SLC45A2: variants seen among roughly 807,000 people sequenced by gnomAD.
The protein encoded by SLC45A2 is solute carrier family 45 member 2.
In SLC45A2, 36 loss-of-function variants were observed where a neutral mutation model predicts 45.5. The observed-to-expected ratio is 0.79, with a 90% confidence interval of 0.61 to 1.04. SLC45A2 has a LOEUF of 1.04. Ranked by LOEUF, SLC45A2 falls within the 50% of genes least tolerant of loss-of-function variation. SLC45A2 has a pLI of 0.00. For missense variants in SLC45A2, 719 were observed against 671.0 expected, an observed-to-expected ratio of 1.07 and a Z score of -0.79; for synonymous variants, 306 against 269.3, an observed-to-expected ratio of 1.14 and a Z score of -1.33.
intron 2 of SLC45A2, among the ~76,000 whole-genome samples, chr5:33,969,408 A>T (rs1328137874): frequency 6.6e-6 from 1 of 152,168 alleles, no homozygotes; most frequent in Non-Finnish European, 1.5e-5. Context: ...AGATGCTGAG[A>T]TAATATATTT....
At chr5:33,969,937 G>C (rs1442408938) in intron 2 of SLC45A2, among the ~76,000 whole-genome samples, 1 of 152,184 alleles carries the variant, frequency 6.6e-6, no homozygotes, top group Non-Finnish European at 1.5e-5. Flanking sequence ...TGGCTGTCTT[G>C]AGCTTTCTTA....
At chr5:33,969,085 G>GTGT (rs1397752747) in intron 2 of SLC45A2, among the ~76,000 whole-genome samples, 2 of 123,038 alleles carry the variant, frequency 1.6e-5, no homozygotes, top group Non-Finnish European at 3.7e-5. Context: ...GTGTGTGTGT[G>GTGT]TGTGTGTGTG....
intron 3 of SLC45A2, among the ~76,000 whole-genome samples, chr5:33,958,905 T>C (rs1300082529): frequency 6.6e-6 from 1 of 151,986 alleles, no homozygotes; most frequent in Non-Finnish European, 1.5e-5. Flanking sequence ...GGAGGGGGAG[T>C]CCCAGTCTAT....
Position 33,984,408 on chromosome 5 carries a change from A to G in SLC45A2, c.176T>C (p.Val59Ala). ...GCTGGGCAGACCTACGCTGAGCAGG[A>G]CTGGGGTCACATACGCTGCCTCCAC... is the stretch of plus-strand genomic sequence containing the variant. ...YAVEAAYVTPVLLSVGLPSSL... is the reference protein window; with the variant it reads ...YAVEAAYVTPALLSVGLPSSL... The change falls in exon 1 of 7, where the codon GTC (valine) becomes GCC (alanine). Residue 59 changes from valine to alanine, a missense_variant. By Grantham distance (64) the Val-to-Ala change is moderately conservative. Coordinates refer to ENST00000296589, the MANE Select transcript of SLC45A2 (RefSeq NM_016180.5). 6.2e-7 allele frequency: 1 copy of G among 1,613,548 alleles called. No homozygotes were observed. The highest frequency in any genetic ancestry group is 8.5e-7 in the Non-Finnish European group (1 of 1,179,752).
intron 2 of SLC45A2, among the ~76,000 whole-genome samples, chr5:33,966,175 G>A (rs898405696): frequency 4.6e-5 from 7 of 152,144 alleles, no homozygotes; most frequent in Admixed American, 1.3e-4. Context: ...AAAATATAAG[G>A]ATATGCATAT....
At chr5:33,976,212 G>C (rs946744677) in intron 2 of SLC45A2, among the ~76,000 whole-genome samples, 3 of 152,146 alleles carry the variant, frequency 2.0e-5, no homozygotes, top group Admixed American at 2.0e-4. Flanking sequence ...GAGAACACGG[G>C]GAAGGGCTGA....
intron 2 of SLC45A2, among the ~76,000 whole-genome samples, chr5:33,964,423 A>G (rs1292973730): frequency 1.3e-5 from 2 of 152,228 alleles, no homozygotes; most frequent in Admixed American, 6.5e-5. Flanking sequence ...ATTTCTGACC[A>G]GAAAAAGCCC....
intron 2 of SLC45A2, among the ~76,000 whole-genome samples, chr5:33,965,424 A>G (rs749779723): frequency 3.9e-5 from 6 of 152,224 alleles, no homozygotes; most frequent in Non-Finnish European, 8.8e-5. Flanking sequence ...AGGAGGACCA[A>G]CAATCTAATC....
chr5:33,969,065 C>CTCTCTCTCTCTCTCTCTCTGTG, intron 2 of SLC45A2, among the ~76,000 whole-genome samples: 18,487 of 101,458 alleles, frequency 0.18, 2,851 homozygotes, highest in Non-Finnish European at 0.28. Flanking sequence ...CTCTCTCTCT[C>CTCTCTCTCTCTCTCTCTCTGTG]TGTGTGTGTG....
At chr5:33,953,702 C>T (rs1752186263) in intron 4 of SLC45A2, among the ~76,000 whole-genome samples, 1 of 123,188 alleles carries the variant, frequency 8.1e-6, no homozygotes, top group Non-Finnish European at 1.7e-5. Context: ...CAAATTCACA[C>T]ATAACAATAT....
chr5:33,978,572 T>G (rs1752994289), intron 2 of SLC45A2, among the ~76,000 whole-genome samples: 1 of 152,236 alleles, frequency 6.6e-6, no homozygotes, highest in African/African-American at 2.4e-5. Flanking sequence ...TTTCTTTCTG[T>G]TGACTTCAAC....
intron 6 of SLC45A2, 88 bp from the exon 7 acceptor site, chr5:33,944,960 G>T: frequency 8.3e-7 from 1 of 1,207,896 alleles, no homozygotes; most frequent in Non-Finnish European, 1.2e-6. Context: ...TGACCAGCCA[G>T]ATAGTAAATA....
At chr5:33,973,776 T>C (rs1172520889) in intron 2 of SLC45A2, among the ~76,000 whole-genome samples, 1 of 143,568 alleles carries the variant, frequency 7.0e-6, no homozygotes, top group African/African-American at 2.5e-5. Context: ...ATAGCGGAAA[T>C]CAAGTAAATA....
rs1368849238 is a variant in SLC45A2, at chr5:33,954,258, TC to T, written c.1032+102del. Reference sequence around the variant, plus strand: ...TTCTTGATGGTACCCTTTCCTACATTCTTACTGTGCCAATCTTAGAGGATAG... The same window carrying T: ...TTCTTGATGGTACCCTTTCCTACATTTTACTGTGCCAATCTTAGAGGATAG... On this transcript the variant is annotated intron_variant, in intron 4 of 6. Coordinates refer to ENST00000296589, the MANE Select transcript of SLC45A2 (RefSeq NM_016180.5). 5.9e-6 allele frequency: 9 copies of T among 1,523,034 alleles called. No individual in the cohort carries two copies. The East Asian group carries it at 2.1e-4, about 35-fold the overall frequency. 94.3% of individuals were successfully genotyped at this position (1,523,034 alleles called of 1,614,324 possible).
intron 2 of SLC45A2, among the ~76,000 whole-genome samples, chr5:33,966,533 C>T (rs1426236013): frequency 2.0e-5 from 3 of 149,466 alleles, no homozygotes; most frequent in South Asian, 4.3e-4. Flanking sequence ...CTCCGCTTCC[C>T]GGGTTCACGC....
At chr5:33,954,548 A>G in intron 3 of SLC45A2, 44 bp from the exon 4 acceptor site, 2 of 1,611,654 alleles carry the variant, frequency 1.2e-6, no homozygotes, top group South Asian at 1.1e-5. Context: ...CACTGCAGAA[A>G]CTCAGCCAGC....
chr5:33,982,403 G>C lies in SLC45A2; in HGVS notation c.395C>G (p.Ala132Gly). ...NGATVVAALI[A>G]NPRRKLVWAI... is the part of the protein sequence containing the mutation. ...CCAAACCAGCTTCCTCCTTGGGTTAGCAATCAAAGCTAAAAGAAAAATAAA... is the reference window on the plus strand; with the variant it reads ...CCAAACCAGCTTCCTCCTTGGGTTACCAATCAAAGCTAAAAGAAAAATAAA... The change falls in exon 2 of 7, where the codon GCT becomes GGT. Residue 132 changes from alanine to glycine, a missense_variant. By Grantham distance (60) the Ala-to-Gly change is moderately conservative. Coordinates refer to ENST00000296589, the MANE Select transcript of SLC45A2 (RefSeq NM_016180.5). 6.2e-7 allele frequency: 1 copy of C among 1,614,002 alleles called. No homozygotes were observed. The highest frequency in any genetic ancestry group is 8.5e-7 in the Non-Finnish European group (1 of 1,179,954).
chr5:33,948,405 C>A (rs1752000593), intron 5 of SLC45A2, among the ~76,000 whole-genome samples: 1 of 152,216 alleles, frequency 6.6e-6, no homozygotes, highest in South Asian at 2.1e-4. Flanking sequence ...CTCTTCCCTG[C>A]CCCATTCTCC....
intron 5 of SLC45A2, 133 bp from the exon 6 acceptor site, chr5:33,947,507 C>T (rs1195893589): frequency 1.1e-6 from 1 of 883,044 alleles, no homozygotes; most frequent in Non-Finnish European, 1.8e-6. Context: ...AAAAGAATCC[C>T]CTTATCTGTG....
Sources: gnomAD v4.1 joint callset for allele counts (sites outside exome capture counted in the v4.1 genomes callset) on GRCh38, gnomAD v4.1.1 for gene constraint, MANE v1.5 for transcripts, NCBI Gene and HGNC (gene_info 2026-07-23, HGNC 2026-07-21) for gene names.